RAD51B: variants seen among roughly 807,000 people sequenced by gnomAD.
RAD51B encodes the protein DNA repair protein RAD51 homolog 2.
Under a neutral mutation model 42.2 loss-of-function variants are expected in RAD51B, and 38 were observed. That is an observed-to-expected ratio of 0.90 (90% confidence interval 0.70 to 1.18). The LOEUF is 1.18. Among genes scored for constraint, RAD51B ranks in the 50% most tolerant of loss-of-function variants. RAD51B has a pLI of 0.00. For synonymous variants in RAD51B, 154 were observed against 145.2 expected (o/e 1.06, Z -0.43); for missense variants, 373 against 400.7 (o/e 0.93, Z 0.59).
chr14:68,169,331 C>T (rs548076112), intron 7 of RAD51B, among the ~76,000 whole-genome samples: 6 of 152,132 alleles, frequency 3.9e-5, no homozygotes, highest in African/African-American at 1.2e-4. Flanking sequence ...TTGTTGTTGT[C>T]GTTTAGTGCC....
At chr14:68,672,771 C>T (rs1893185190) in intron 11 of RAD51B, among the ~76,000 whole-genome samples, 1 of 152,186 alleles carries the variant, frequency 6.6e-6, no homozygotes, top group Non-Finnish European at 1.5e-5. Context: ...GAGATCATTG[C>T]ACTCATCTCC....
rs146206287 is a variant in RAD51B, at chr14:68,374,469, T to A, written c.854-36955T>A. 8.5e-5 allele frequency among the ~76,000 whole-genome samples: 13 copies of A among 152,274 alleles called. No individual in the cohort carries two copies. In the East Asian group the frequency reaches 2.3e-3, roughly 27 times the overall value. The stretch of plus-strand genomic sequence containing the variant: ...GAGCTATACAACCTAGGTGATAGAC[T>A]TCCTTTTCTTTCATTGGGAAAACTG... On this transcript the variant is annotated intron_variant, in intron 8 of 10. Coordinates refer to ENST00000471583, the MANE Select transcript of RAD51B (RefSeq NM_133510.4).
chr14:68,240,428 A>C (rs188068837), intron 7 of RAD51B, among the ~76,000 whole-genome samples: 4 of 152,350 alleles, frequency 2.6e-5, no homozygotes, highest in African/African-American at 9.6e-5. Flanking sequence ...ATTTCATTAG[A>C]GGTGCCTTAC....
chr14:68,010,320 A>G (rs1175511235), intron 7 of RAD51B, among the ~76,000 whole-genome samples: 3 of 151,866 alleles, frequency 2.0e-5, no homozygotes, highest in Non-Finnish European at 4.4e-5. Flanking sequence ...AAAATAAGAA[A>G]TAACTTTAAT....
At chr14:67,825,081 A>C (rs2040775059) in intron 2 of RAD51B, among the ~76,000 whole-genome samples, 1 of 112,322 alleles carries the variant, frequency 8.9e-6, no homozygotes, top group Non-Finnish European at 1.9e-5. Context: ...CTTGTCTCAA[A>C]AAAAAAAAAA....
chr14:68,151,477 A>G (rs1023498568), intron 7 of RAD51B, among the ~76,000 whole-genome samples: 3 of 151,932 alleles, frequency 2.0e-5, no homozygotes, highest in Non-Finnish European at 4.4e-5. Flanking sequence ...AATCTTGGCC[A>G]CTATGTTTTC....
chr14:67,899,222 T>A (rs868159658), intron 7 of RAD51B, among the ~76,000 whole-genome samples: 1 of 151,330 alleles, frequency 6.6e-6, no homozygotes, highest in African/African-American at 2.4e-5. Flanking sequence ...TTTTTTTTTT[T>A]ATATTTTTAG....
At chr14:67,928,094 A>G (rs10130837) in intron 7 of RAD51B, among the ~76,000 whole-genome samples, 10,421 of 151,986 alleles carry the variant, frequency 0.069, 864 homozygotes, top group African/African-American at 0.2. Flanking sequence ...TTCTTTATAC[A>G]TTTGGTAGAA....
At chr14:68,654,113 G>A (rs73287711) in intron 11 of RAD51B, among the ~76,000 whole-genome samples, 3,800 of 152,328 alleles carry the variant, frequency 0.025, 140 homozygotes, top group African/African-American at 0.071. Context: ...GAGATGATGT[G>A]GGCTTGAATG....
intron 11 of RAD51B, among the ~76,000 whole-genome samples, chr14:68,655,597 G>A (rs2877496): frequency 0.21 from 32,679 of 152,150 alleles, 3,637 homozygotes; most frequent in Admixed American, 0.24. Flanking sequence ...TTGTGCAGCC[G>A]TGTACCCTCT....
At chr14:68,583,965 C>T (rs377553901) in intron 10 of RAD51B, among the ~76,000 whole-genome samples, 42 of 152,310 alleles carry the variant, frequency 2.8e-4, no homozygotes, top group African/African-American at 8.9e-4. Context: ...ACCGGCCACT[C>T]CAGTCACCAG....
chr14:68,660,736 G>A (rs943697231), intron 11 of RAD51B, among the ~76,000 whole-genome samples: 3 of 152,350 alleles, frequency 2.0e-5, no homozygotes, highest in Non-Finnish European at 4.4e-5. Context: ...GGGAAGGGGA[G>A]AAACTAGGCA....
intron 8 of RAD51B, among the ~76,000 whole-genome samples, chr14:68,367,242 A>G (rs2083160778): frequency 6.6e-6 from 1 of 152,226 alleles, no homozygotes; most frequent in Non-Finnish European, 1.5e-5. Flanking sequence ...GGACTGAAAG[A>G]TGATGACAGT....
chr14:68,368,093 A>C (rs1231175204), intron 8 of RAD51B, among the ~76,000 whole-genome samples: 1 of 152,200 alleles, frequency 6.6e-6, no homozygotes, highest in African/African-American at 2.4e-5. Context: ...TTTTATTACT[A>C]GGGAAATATT....
chr14:68,185,461 C>T (rs1360738036), intron 7 of RAD51B, among the ~76,000 whole-genome samples: 1 of 152,066 alleles, frequency 6.6e-6, no homozygotes, highest in African/African-American at 2.4e-5. Flanking sequence ...TTATTTGCTG[C>T]TACTACAGAC....
At chr14:68,055,531 C>A (rs567916880) in intron 7 of RAD51B, among the ~76,000 whole-genome samples, 62 of 152,270 alleles carry the variant, frequency 4.1e-4, no homozygotes, top group Non-Finnish European at 7.2e-4. Context: ...ATATAGAAAT[C>A]TTCTTGTATC....
At chr14:68,590,706 T>C (rs961528211) in intron 10 of RAD51B, among the ~76,000 whole-genome samples, 1 of 151,976 alleles carries the variant, frequency 6.6e-6, no homozygotes, top group Non-Finnish European at 1.5e-5. Context: ...AGAGGCCATC[T>C]AACCTCAAAT....
At chr14:68,468,757 G>T (rs1392357508) in intron 10 of RAD51B, among the ~76,000 whole-genome samples, 1 of 152,164 alleles carries the variant, frequency 6.6e-6, no homozygotes, top group East Asian at 1.9e-4. Context: ...TCCTGACATG[G>T]TCTTCCTGCT....
chr14:68,309,795 A>G (rs1353130843), intron 8 of RAD51B, among the ~76,000 whole-genome samples: 1 of 152,184 alleles, frequency 6.6e-6, no homozygotes, highest in Non-Finnish European at 1.5e-5. Context: ...ATGGTGAGGG[A>G]ACCGCCACAG....
Sources: gnomAD v4.1 joint callset for allele counts (sites outside exome capture counted in the v4.1 genomes callset) on GRCh38, gnomAD v4.1.1 for gene constraint, MANE v1.5 for transcripts, NCBI Gene and HGNC (gene_info 2026-07-23, HGNC 2026-07-21) for gene names.